Variants in FAM107B observed in about 807,000 individuals in gnomAD.
The protein encoded by FAM107B is family with sequence similarity 107 member B.
Under a neutral mutation model 31.5 loss-of-function variants are expected in FAM107B, and 21 were observed. The ratio of observed to expected loss-of-function variants is 0.67; its 90% CI spans 0.47 to 0.96. The LOEUF is 0.96. FAM107B is among the 40% of genes least tolerant of loss of function. The probability of loss-of-function intolerance (pLI) is 0.00; values close to 1 mark genes in which losing one functional copy is unlikely to be tolerated. For synonymous variants in FAM107B, 157 were observed against 141.5 expected (o/e 1.11, Z -0.78); for missense variants, 452 against 377.1 (o/e 1.20, Z -1.64).
intron 2 of FAM107B, among the ~76,000 whole-genome samples, chr10:14,534,526 C>T (rs1224090428): frequency 1.3e-5 from 2 of 152,116 alleles, no homozygotes; most frequent in African/African-American, 4.8e-5. Context: ...TCCTATCTTC[C>T]GATCAAGCTG....
At chr10:14,607,181 A>G (rs1409183916) in intron 2 of FAM107B, among the ~76,000 whole-genome samples, 1 of 152,248 alleles carries the variant, frequency 6.6e-6, no homozygotes, top group Non-Finnish European at 1.5e-5. Flanking sequence ...ATAAATGCCT[A>G]CAGGCTCAAA....
At chr10:14,578,677 C>T (rs1588628463) in intron 2 of FAM107B, among the ~76,000 whole-genome samples, 1 of 152,158 alleles carries the variant, frequency 6.6e-6, no homozygotes. Context: ...ACTGCACCCT[C>T]GGTCACAAGA....
intron 1 of FAM107B, among the ~76,000 whole-genome samples, chr10:14,703,050 CA>C (rs1855437779): frequency 6.6e-6 from 1 of 151,430 alleles, no homozygotes; most frequent in Admixed American, 6.6e-5. Context: ...TTCATTCTCC[CA>C]GGTAATCAGG....
intron 2 of FAM107B, among the ~76,000 whole-genome samples, chr10:14,619,875 T>C (rs1852959610): frequency 6.6e-6 from 1 of 151,904 alleles, no homozygotes; most frequent in Admixed American, 6.6e-5. Context: ...AAGGTTGAAT[T>C]TCTTTTTTTT....
rs115619008 is a variant in FAM107B, at chr10:14,585,330, A to G, written c.470-54815T>C. Among the ~76,000 whole-genome samples the G allele has an allele frequency of 9.5e-3, 1,452 of 152,156 alleles. 30 individuals carry two copies. The highest frequency in any genetic ancestry group is 0.033 in the African/African-American group (1,375 of 41,512). On this transcript the variant is annotated intron_variant, in intron 2 of 4. Transcript: ENST00000181796. Reference sequence around the variant, plus strand: ...AGCCCCCTCCACTCTCGCAAGCCCCATCTTCCCGGCAGTCAACTAAGAATC... The same window carrying G: ...AGCCCCCTCCACTCTCGCAAGCCCCGTCTTCCCGGCAGTCAACTAAGAATC...
chr10:14,536,424 C>A (rs7069426), intron 2 of FAM107B, among the ~76,000 whole-genome samples: 18,253 of 152,240 alleles, frequency 0.12, 1,217 homozygotes, highest in Non-Finnish European at 0.15. Flanking sequence ...TCTGGCAATA[C>A]CCTGAGAAAC....
At chr10:14,688,976 A>G (rs1291440739) in intron 1 of FAM107B, among the ~76,000 whole-genome samples, 1 of 152,246 alleles carries the variant, frequency 6.6e-6, no homozygotes, top group Non-Finnish European at 1.5e-5. Flanking sequence ...ATCTAAGGGC[A>G]AGCATTCTTT....
chr10:14,730,257 T>C (rs185593331), intron 1 of FAM107B, among the ~76,000 whole-genome samples: 28 of 152,304 alleles, frequency 1.8e-4, no homozygotes, highest in Non-Finnish European at 2.6e-4. Context: ...TGGGAAATGG[T>C]CTGAGATGTC....
intron 1 of FAM107B, among the ~76,000 whole-genome samples, chr10:14,713,050 T>A (rs1855689554): frequency 6.6e-6 from 1 of 152,136 alleles, no homozygotes; most frequent in Non-Finnish European, 1.5e-5. Flanking sequence ...TTCCCAGGAC[T>A]GAACTCGCTG....
intron 1 of FAM107B, among the ~76,000 whole-genome samples, chr10:14,704,651 A>G (rs1315363254): frequency 2.0e-5 from 3 of 152,246 alleles, no homozygotes; most frequent in African/African-American, 7.2e-5. Flanking sequence ...TAAATAATGG[A>G]TCTGATATGG....
At chr10:14,735,166 T>C (rs1361999579) in intron 1 of FAM107B, among the ~76,000 whole-genome samples, 1 of 152,224 alleles carries the variant, frequency 6.6e-6, no homozygotes. Context: ...CAACGGCCTT[T>C]TGTGATAGGA....
chr10:14,590,478 C>A (rs1056652961), intron 2 of FAM107B, among the ~76,000 whole-genome samples: 2 of 152,324 alleles, frequency 1.3e-5, no homozygotes, highest in African/African-American at 2.4e-5. Context: ...ATTCTGGTAG[C>A]CTTCAAGTAT....
intron 2 of FAM107B, among the ~76,000 whole-genome samples, chr10:14,659,320 A>G (rs1854160034): frequency 6.6e-6 from 1 of 152,158 alleles, no homozygotes; most frequent in Admixed American, 6.5e-5. Flanking sequence ...GCGCACCTGT[A>G]GTCTCAGCTC....
intron 3 of FAM107B, among the ~76,000 whole-genome samples, chr10:14,524,889 C>T (rs1846060336): frequency 6.6e-6 from 1 of 152,226 alleles, no homozygotes; most frequent in Admixed American, 6.5e-5. Context: ...CACTCTATTG[C>T]AACCTATGAA....
intron 2 of FAM107B, among the ~76,000 whole-genome samples, chr10:14,667,102 C>T (rs891560162): frequency 6.6e-6 from 1 of 152,154 alleles, no homozygotes; most frequent in African/African-American, 2.4e-5. Context: ...ATGACGATTA[C>T]ATCTCATTAT....
chr10:14,572,055 C>T (rs1851270974), intron 2 of FAM107B: 1 of 985,292 alleles, frequency 1.0e-6, no homozygotes, highest in Non-Finnish European at 1.2e-6. Flanking sequence ...TTAACCATCC[C>T]CACAAAGAAC....
intron 2 of FAM107B, among the ~76,000 whole-genome samples, chr10:14,613,030 G>A (rs769557539): frequency 6.6e-6 from 1 of 151,942 alleles, no homozygotes; most frequent in African/African-American, 2.4e-5. Context: ...AGAGTGCAGC[G>A]GCGCAATCTC....
chr10:14,716,183 C>T (rs903658456), intron 1 of FAM107B, among the ~76,000 whole-genome samples: 4 of 152,190 alleles, frequency 2.6e-5, no homozygotes, highest in African/African-American at 7.2e-5. Context: ...TCTGGAGAGT[C>T]CTAATATATT....
At position 14,581,296 on chromosome 10, in the gene FAM107B, C is replaced by G. The variant is rs140699890; in HGVS notation, c.470-50781G>C. On this transcript the variant is annotated intron_variant, in intron 2 of 4. Coordinates refer to ENST00000181796, the MANE Select transcript of FAM107B (RefSeq NM_031453.4). ...AGGGATCTGGAGAAACACAGAGGCC[C>G]TGGGCAAGCACCTGAATCGCTGCTT... is the stretch of plus-strand genomic sequence containing the variant. Among the ~76,000 whole-genome samples the G allele has an allele frequency of 1.4e-3, 220 of 152,330 alleles. 1 individual carries two copies. The highest frequency in any genetic ancestry group is 5.2e-3 in the African/African-American group (217 of 41,576).
Sources: allele counts gnomAD v4.1 joint callset (sites outside exome capture counted in the v4.1 genomes callset), GRCh38; gene constraint gnomAD v4.1.1; transcripts MANE v1.5; gene names NCBI Gene and HGNC (gene_info 2026-07-23, HGNC 2026-07-21).